Variants in LRRTM4 observed in about 807,000 individuals in gnomAD.
LRRTM4 encodes the protein leucine rich repeat transmembrane neuronal 4.
LRRTM4 carries 25 observed loss-of-function variants against 47.6 expected under a neutral mutation model. That is an observed-to-expected ratio of 0.53 (90% CI 0.38 to 0.73). The LOEUF (loss-of-function observed/expected upper bound fraction) is 0.73, where lower values mean the gene tolerates loss of function less well. Ranked by LOEUF, LRRTM4 falls within the 30% of genes least tolerant of loss-of-function variation. The pLI is 0.00. For missense variants in LRRTM4, 638 were observed against 713.4 expected (o/e 0.89, Z 1.20); for synonymous variants, 311 against 269.5 (o/e 1.15, Z -1.51).
chr2:77,039,615 A>T (rs1381313104), intron 3 of LRRTM4, among the ~76,000 whole-genome samples: 2 of 151,472 alleles, frequency 1.3e-5, no homozygotes, highest in East Asian at 3.9e-4. Flanking sequence ...TTATTTTACA[A>T]TGATGAAAAA....
intron 3 of LRRTM4, among the ~76,000 whole-genome samples, chr2:76,795,824 A>G (rs72815445): frequency 0.46 from 69,739 of 151,566 alleles, 17,641 homozygotes; most frequent in East Asian, 0.68. Context: ...CAAGATGGCC[A>G]AATAGGAACA....
chr2:76,995,701 C>A (rs1677176350), intron 3 of LRRTM4, among the ~76,000 whole-genome samples: 1 of 151,970 alleles, frequency 6.6e-6, no homozygotes, highest in Non-Finnish European at 1.5e-5. Context: ...CCAAGGTAAG[C>A]CATATAGATT....
intron 3 of LRRTM4, among the ~76,000 whole-genome samples, chr2:77,087,509 T>C (rs1302574885): frequency 1.3e-5 from 2 of 152,232 alleles, no homozygotes; most frequent in African/African-American, 4.8e-5. Context: ...CCAAATGTAC[T>C]CAAGGTACAG....
At chr2:77,147,609 C>A (rs1028318407) in intron 3 of LRRTM4, among the ~76,000 whole-genome samples, 4 of 152,048 alleles carry the variant, frequency 2.6e-5, no homozygotes, top group Admixed American at 2.0e-4. Context: ...TATTTTTTTC[C>A]AAATTCTGTC....
chr2:77,511,054 A>C (rs538391004), intron 3 of LRRTM4, among the ~76,000 whole-genome samples: 22 of 152,190 alleles, frequency 1.4e-4, no homozygotes, highest in Admixed American at 2.0e-4. Context: ...AAACAAAGAG[A>C]TGGAAAACTA....
At chr2:77,002,230 A>G (rs6547114) in intron 3 of LRRTM4, among the ~76,000 whole-genome samples, 84,570 of 151,866 alleles carry the variant, frequency 0.56, 25,817 homozygotes, top group African/African-American at 0.81. Context: ...TTCATTTGCT[A>G]GCCAGTACCA....
chr2:76,889,412 G>C (rs955038571), intron 3 of LRRTM4, among the ~76,000 whole-genome samples: 3 of 151,852 alleles, frequency 2.0e-5, no homozygotes, highest in African/African-American at 7.2e-5. Flanking sequence ...GTTCTTTCTT[G>C]AAATATGTCT....
At chr2:77,090,753 G>A (rs1670595279) in intron 3 of LRRTM4, among the ~76,000 whole-genome samples, 1 of 152,148 alleles carries the variant, frequency 6.6e-6, no homozygotes, top group Non-Finnish European at 1.5e-5. Context: ...AAATCGGACT[G>A]TTCAACTTAC....
At chr2:77,324,562 C>G (rs955243743) in intron 3 of LRRTM4, among the ~76,000 whole-genome samples, 1 of 151,978 alleles carries the variant, frequency 6.6e-6, no homozygotes, top group Non-Finnish European at 1.5e-5. Context: ...TCACATCAGC[C>G]CTGAGACAGG....
chr2:76,824,724 C>G (rs1446887212), intron 3 of LRRTM4, among the ~76,000 whole-genome samples: 3 of 151,578 alleles, frequency 2.0e-5, no homozygotes, highest in Non-Finnish European at 4.4e-5. Context: ...TGTTAGCAAT[C>G]TTTCATGGGA....
intron 3 of LRRTM4, among the ~76,000 whole-genome samples, chr2:76,831,858 T>C (rs1671362052): frequency 1.3e-5 from 2 of 152,082 alleles, no homozygotes; most frequent in Non-Finnish European, 2.9e-5. Context: ...GGAAATATAA[T>C]CTATATTTGA....
chr2:76,769,691 G>C (rs142124800), intron 3 of LRRTM4, among the ~76,000 whole-genome samples: 1 of 151,864 alleles, frequency 6.6e-6, no homozygotes, highest in Non-Finnish European at 1.5e-5. Context: ...TACTGAATTC[G>C]TATCGGCATT....
At chr2:76,813,378 G>C (rs1043758346) in intron 3 of LRRTM4, among the ~76,000 whole-genome samples, 1 of 152,026 alleles carries the variant, frequency 6.6e-6, no homozygotes, top group Non-Finnish European at 1.5e-5. Context: ...TCTTTTATCA[G>C]CCCTGCACTT....
At chr2:76,973,126 G>C (rs146045913) in intron 3 of LRRTM4, among the ~76,000 whole-genome samples, 1 of 150,534 alleles carries the variant, frequency 6.6e-6, no homozygotes, top group East Asian at 2.0e-4. Context: ...TAATTTTTTC[G>C]TAAAAAGTGC....
At chr2:76,947,893 C>T (rs750973429) in intron 3 of LRRTM4, among the ~76,000 whole-genome samples, 7 of 151,758 alleles carry the variant, frequency 4.6e-5, no homozygotes, top group Non-Finnish European at 8.9e-5. Flanking sequence ...AATTGCAAGG[C>T]GACTCCCCAA....
chr2:76,963,093 A>T (rs77831526), intron 3 of LRRTM4, among the ~76,000 whole-genome samples: 6,574 of 151,052 alleles, frequency 0.044, 482 homozygotes, highest in African/African-American at 0.15. Flanking sequence ...AAATAATTCA[A>T]TGTAATTATT....
intron 3 of LRRTM4, among the ~76,000 whole-genome samples, chr2:76,758,932 C>A (rs558282452): frequency 7.4e-4 from 113 of 152,016 alleles, no homozygotes; most frequent in Non-Finnish European, 1.4e-3. Context: ...TAGGCTTGAA[C>A]AAAACATAAA....
At chr2:76,940,418 T>C (rs891098550) in intron 3 of LRRTM4, among the ~76,000 whole-genome samples, 2 of 152,090 alleles carry the variant, frequency 1.3e-5, no homozygotes, top group African/African-American at 4.8e-5. Flanking sequence ...TTCTCACTTA[T>C]AAGTGGGTGC....
intron 3 of LRRTM4, among the ~76,000 whole-genome samples, chr2:77,106,909 A>T (rs754747428): frequency 5.2e-4 from 79 of 152,120 alleles, no homozygotes; most frequent in Non-Finnish European, 2.6e-4. Context: ...ATTCTTAGAC[A>T]TGTAGAGATT....
Sources: allele counts gnomAD v4.1 joint callset (sites outside exome capture counted in the v4.1 genomes callset), GRCh38; gene constraint gnomAD v4.1.1; transcripts MANE v1.5; gene names NCBI Gene and HGNC (gene_info 2026-07-23, HGNC 2026-07-21).